USP26: variants seen among roughly 807,000 people sequenced by gnomAD.
The protein encoded by USP26 is ubiquitin carboxyl-terminal hydrolase 26.
For synonymous variants in USP26, 236 were observed against 240.6 expected, an observed-to-expected ratio of 0.98 and a Z score of 0.18; for missense variants, 649 against 642.3, an observed-to-expected ratio of 1.01 and a Z score of -0.11.
intron 5 of USP26, among the ~76,000 whole-genome samples, chrX:133,079,502 T>C (rs1042842648): frequency 2.7e-5 from 3 of 111,732 alleles, no homozygotes. Flanking sequence ...AAGTATGAGA[T>C]CTTAGAAGTC....
At chrX:133,083,275 G>A (rs1291455698) in intron 5 of USP26, among the ~76,000 whole-genome samples, 3 of 112,120 alleles carry the variant, frequency 2.7e-5, no homozygotes, top group East Asian at 5.6e-4. Context: ...TAACATACAT[G>A]TGCAAATGGA....
intron 5 of USP26, chrX:133,046,041 G>T (rs1167027004): frequency 2.7e-5 from 3 of 111,432 alleles, no homozygotes; most frequent in Non-Finnish European, 5.6e-5. Flanking sequence ...GGAATGTTTT[G>T]GGGTGGTCCT....
At chrX:133,039,694 A>G (rs2067410576) in intron 5 of USP26, among the ~76,000 whole-genome samples, 1 of 111,861 alleles carries the variant, frequency 8.9e-6, no homozygotes. Context: ...AGTTCTGTAG[A>G]TATCTATTAG....
rs2067346160 is a variant in USP26, at chrX:133,026,048, T to G, written c.2173A>C (p.Asn725His). The G allele has an allele frequency of 8.3e-7, 1 of 1,210,360 alleles. No individual in the cohort carries two copies. Among genetic ancestry groups the G allele is most frequent in the African/African-American group, 1.7e-5 (1 of 57,647 alleles). Residue 725 changes from asparagine (N) to histidine (H), a missense_variant, in exon 6 of 6, where the codon AAT becomes CAT. Coordinates refer to ENST00000511190, the MANE Select transcript of USP26 (RefSeq NM_031907.3). ...TGGAATCTTTCTGGAATTCTGATAT[T>G]TTTATCTTCATACAAATCTTTAGTA... ...NPTKDLYEDK[N>H]IRIPERFQKV... is the part of the protein sequence containing the mutation.
At chrX:133,095,179 C>A (rs765604348) in intron 1 of USP26, among the ~76,000 whole-genome samples, 7 of 109,652 alleles carry the variant, frequency 6.4e-5, no homozygotes, top group African/African-American at 2.3e-4. Context: ...TTAGAAAATT[C>A]TTTTCGTTAT....
intron 5 of USP26, among the ~76,000 whole-genome samples, chrX:133,064,648 G>T (rs2067505096): frequency 9.0e-6 from 1 of 111,703 alleles, no homozygotes; most frequent in Non-Finnish European, 1.9e-5. Flanking sequence ...TGAAATGAAG[G>T]CAGAAATATC....
intron 5 of USP26, among the ~76,000 whole-genome samples, chrX:133,059,640 A>G (rs1343415227): frequency 1.8e-5 from 2 of 109,646 alleles, no homozygotes; most frequent in Non-Finnish European, 3.8e-5. Context: ...CTCTAGGTAC[A>G]AAACAGTCTA....
At chrX:133,091,591 T>C (rs910213824) in intron 1 of USP26, 148 bp from the exon 2 acceptor site, 10 of 111,513 alleles carry the variant, frequency 9.0e-5, no homozygotes, top group African/African-American at 3.3e-4. Flanking sequence ...AATTAAGAAG[T>C]AGAAAAATAT....
Position 133,026,289 on chromosome X carries a change from T to C in USP26, c.1932A>G (p.Gly644=). The change falls in exon 6 of 6, where the codon GGA becomes GGG. Residue 644 remains glycine, a synonymous_variant. Coordinates refer to ENST00000511190, the MANE Select transcript of USP26 (RefSeq NM_031907.3). The part of the protein sequence containing the change: ...KPNELESVYS[G]DRAFIEKEPL... The stretch of plus-strand genomic sequence containing the variant: ...GTTCTTTTTCAATGAATGCTCGATC[T>C]CCTGAGTATACAGATTCTAGCTCAT... The C allele has an allele frequency of 8.3e-7, 1 of 1,208,679 alleles. No individual in the cohort carries two copies. Among genetic ancestry groups the C allele is most frequent in the Non-Finnish European group, 1.1e-6 (1 of 894,935 alleles).
chrX:133,053,537 T>TAAAA, intron 5 of USP26, among the ~76,000 whole-genome samples: 1 of 90,880 alleles, frequency 1.1e-5, no homozygotes. Flanking sequence ...GACTCTTTTT[T>TAAAA]AAAAAAAAAA....
intron 5 of USP26, among the ~76,000 whole-genome samples, chrX:133,029,771 T>G (rs925594422): frequency 8.9e-6 from 1 of 112,025 alleles, no homozygotes; most frequent in Non-Finnish European, 1.9e-5. Context: ...CTCTTGATAT[T>G]TCTTCTCTCT....
At chrX:133,038,206 T>C (rs1020287491) in intron 5 of USP26, among the ~76,000 whole-genome samples, 1 of 111,634 alleles carries the variant, frequency 9.0e-6, no homozygotes. Context: ...CTATGTTGAA[T>C]AGGAGTGGTG....
At position 133,044,674 on chromosome X, in the gene USP26, GCT is replaced by G. The variant is rs1413757222; in HGVS notation, c.-76-16380_-76-16379del. Among the ~76,000 whole-genome samples the G allele has an allele frequency of 3.5e-5, 4 of 113,209 alleles. No individual in the cohort carries two copies. The Admixed American group carries it at 3.7e-4, about 10-fold the overall frequency. On this transcript the variant is annotated intron_variant, in intron 5 of 5. Coordinates refer to ENST00000511190, the MANE Select transcript of USP26 (RefSeq NM_031907.3). ...GAGCCTCCCCTGCTCCCCACCGTGG[GCT>G]CCTGTGTGGCCCAAGCCTCCCCGAC...
At chrX:133,078,913 G>A (rs2067560341) in intron 5 of USP26, among the ~76,000 whole-genome samples, 1 of 112,160 alleles carries the variant, frequency 8.9e-6, no homozygotes, top group Admixed American at 9.5e-5. Flanking sequence ...AACTTTACTA[G>A]TCCAGGTCAT....
intron 1 of USP26, among the ~76,000 whole-genome samples, chrX:133,096,040 C>T (rs1231306831): frequency 4.1e-5 from 4 of 97,290 alleles, no homozygotes; most frequent in Non-Finnish European, 4.1e-5. Flanking sequence ...CCACGGCGCC[C>T]GGCCTAATTT....
chrX:133,088,943 G>GTT (rs747353965), intron 4 of USP26, among the ~76,000 whole-genome samples: 137 of 99,019 alleles, frequency 1.4e-3, no homozygotes, highest in African/African-American at 4.5e-3. Flanking sequence ...TTTAGGTAGA[G>GTT]TTTTTTTTTT....
intron 5 of USP26, among the ~76,000 whole-genome samples, chrX:133,076,386 G>A (rs754412661): frequency 6.3e-5 from 7 of 111,045 alleles, no homozygotes; most frequent in Non-Finnish European, 1.1e-4. Context: ...ACTCAGAAGA[G>A]AGTACTGCTG....
chrX:133,074,963 A>G (rs938314860), intron 5 of USP26, among the ~76,000 whole-genome samples: 7 of 112,072 alleles, frequency 6.2e-5, no homozygotes, highest in Non-Finnish European at 1.1e-4. Context: ...TAATAATCTA[A>G]TAAAGCCTCT....
At chrX:133,063,656 A>C (rs2067501363) in intron 5 of USP26, among the ~76,000 whole-genome samples, 1 of 111,820 alleles carries the variant, frequency 8.9e-6, no homozygotes, top group Admixed American at 9.5e-5. Flanking sequence ...GAGAAATAAA[A>C]ACCCTTACAG....
Sources: allele counts gnomAD v4.1 joint callset (sites outside exome capture counted in the v4.1 genomes callset), GRCh38; gene constraint gnomAD v4.1.1; transcripts MANE v1.5; gene names NCBI Gene and HGNC (gene_info 2026-07-23, HGNC 2026-07-21).